The following TRABD2B variants were observed in gnomAD, a reference collection of about 807,000 sequenced individuals.
TRABD2B encodes the protein TraB domain containing 2B.
In TRABD2B, 14 loss-of-function variants were observed where a neutral mutation model predicts 40.1. The ratio of observed to expected loss-of-function variants is 0.35; its 90% CI spans 0.23 to 0.55. TRABD2B has a LOEUF of 0.55. Ranked by LOEUF, TRABD2B falls within the 20% of genes least tolerant of loss-of-function variation. The pLI is 0.90. For synonymous variants in TRABD2B, 263 were observed against 277.0 expected (o/e 0.95, Z 0.50); for missense variants, 541 against 648.6 (o/e 0.83, Z 1.80).
In TRABD2B at chr1:47,983,370, A is replaced by G. The variant is rs150807233; in HGVS notation, c.666+10664T>C. Among the ~76,000 whole-genome samples the G allele has an allele frequency of 1.9e-3, 291 of 152,258 alleles. 2 individuals carry two copies. The highest frequency in any genetic ancestry group is 6.2e-3 in the African/African-American group (258 of 41,548). ...GAGGAAGGAGAGAAGCAGAAAAGCT[A>G]ACTACTGGGTACCGGGCTTAATACC... On this transcript the variant is annotated intron_variant, in intron 2 of 6. Coordinates refer to ENST00000606738, the MANE Select transcript of TRABD2B (RefSeq NM_001194986.2).
At chr1:47,888,751 C>T (rs911568783) in intron 2 of TRABD2B, among the ~76,000 whole-genome samples, 2 of 152,152 alleles carry the variant, frequency 1.3e-5, no homozygotes, top group Admixed American at 6.5e-5. Flanking sequence ...CAGGCTTGGC[C>T]CCTGAGACCC....
In TRABD2B at chr1:47,852,262, T is replaced by A. The variant is rs368186591; in HGVS notation, c.667-50643A>T. Among the ~76,000 whole-genome samples the A allele has an allele frequency of 3.9e-3, 598 of 152,220 alleles. 7 individuals are homozygous for A. The highest frequency in any genetic ancestry group is 6.6e-3 in the Admixed American group (101 of 15,284). On this transcript the variant is annotated intron_variant, in intron 2 of 6. Coordinates refer to ENST00000606738, the MANE Select transcript of TRABD2B (RefSeq NM_001194986.2). ...GGAGGTTTGGGGCAGAGTCCCTTGG[T>A]AAGGCGTGCGGAGCTCCTGGCCCCA...
At chr1:47,990,320 A>AG (rs2148458237) in intron 2 of TRABD2B, among the ~76,000 whole-genome samples, 1 of 152,228 alleles carries the variant, frequency 6.6e-6, no homozygotes, top group Non-Finnish European at 1.5e-5. Context: ...GGTCCCCTAG[A>AG]GGGAGAAGTA....
intron 2 of TRABD2B, among the ~76,000 whole-genome samples, chr1:47,837,821 T>C (rs1645340302): frequency 6.6e-6 from 1 of 152,210 alleles, no homozygotes; most frequent in South Asian, 2.1e-4. Context: ...GCCCCTTCCA[T>C]GGGTTTCCTC....
At chr1:47,985,569 C>A (rs1174002412) in intron 2 of TRABD2B, among the ~76,000 whole-genome samples, 4 of 152,250 alleles carry the variant, frequency 2.6e-5, no homozygotes, top group East Asian at 1.9e-4. Flanking sequence ...TCTCTTAAGG[C>A]CCTAGGTTGT....
intron 2 of TRABD2B, among the ~76,000 whole-genome samples, chr1:47,828,586 C>T (rs1645208343): frequency 6.6e-6 from 1 of 152,194 alleles, no homozygotes; most frequent in Admixed American, 6.5e-5. Flanking sequence ...GTGGCCAGAG[C>T]ATGCCGAGGC....
intron 2 of TRABD2B, among the ~76,000 whole-genome samples, chr1:47,890,551 C>G (rs189683063): frequency 6.6e-6 from 1 of 152,154 alleles, no homozygotes; most frequent in South Asian, 2.1e-4. Flanking sequence ...AAGAGCATTT[C>G]TTCAGCTTCC....
chr1:47,997,028 A>C lies in TRABD2B; in HGVS notation c.-239T>G. On this transcript the variant is annotated 5_prime_UTR_variant, in exon 1 of 7. Coordinates refer to ENST00000606738, the MANE Select transcript of TRABD2B (RefSeq NM_001194986.2). ...GCTGGGCCCCTCCCCCGGGCGCTCA[A>C]CCTCGCTGGCCGAGCCCCCGGGTGC... The C allele has an allele frequency of 1.9e-6, 2 of 1,058,100 alleles. No homozygotes were observed. Among genetic ancestry groups the C allele is most frequent in the Non-Finnish European group, 2.3e-6 (2 of 878,864 alleles). The allele number at this position is 1,058,100 out of a possible 1,614,324, so 65.5% of individuals were successfully genotyped here.
intron 2 of TRABD2B, among the ~76,000 whole-genome samples, chr1:47,929,619 A>G (rs1413063200): frequency 6.6e-6 from 1 of 152,194 alleles, no homozygotes; most frequent in Non-Finnish European, 1.5e-5. Flanking sequence ...CTTCTGATCC[A>G]CAAAACTGCC....
chr1:47,862,310 G>C (rs1643985508), intron 2 of TRABD2B, among the ~76,000 whole-genome samples: 1 of 152,004 alleles, frequency 6.6e-6, no homozygotes. Context: ...TTTTTTCACA[G>C]ATGACATGAT....
At position 47,890,427 on chromosome 1, in the gene TRABD2B, T is replaced by C. The variant is rs530227920; in HGVS notation, c.667-88808A>G. Among the ~76,000 whole-genome samples, 164 of 152,276 alleles carry C rather than the reference T, an allele frequency of 1.1e-3. 2 individuals are homozygous for C. The highest frequency in any genetic ancestry group is 3.8e-3 in the African/African-American group (159 of 41,560). On this transcript the variant is annotated intron_variant, in intron 2 of 6. Transcript: ENST00000606738. ...GCAGAAGAGGTGACAGAGGTAGTCA[T>C]TGTGCTCAAGCCTTGCTGGCCTCCT...
At chr1:47,838,344 T>C (rs924243446) in intron 2 of TRABD2B, among the ~76,000 whole-genome samples, 3 of 152,188 alleles carry the variant, frequency 2.0e-5, no homozygotes, top group African/African-American at 7.2e-5. Flanking sequence ...AGATTATCAA[T>C]GCCCATAGCA....
intron 4 of TRABD2B, among the ~76,000 whole-genome samples, chr1:47,786,648 T>A (rs934391134): frequency 6.6e-6 from 1 of 152,132 alleles, no homozygotes; most frequent in African/African-American, 2.4e-5. Context: ...TTGGGGAGGG[T>A]GGCAGACCAG....
At chr1:47,768,905 A>T (rs12035815) in intron 6 of TRABD2B, among the ~76,000 whole-genome samples, 3 of 152,224 alleles carry the variant, frequency 2.0e-5, no homozygotes, top group Admixed American at 6.5e-5. Flanking sequence ...GAAGGACTTC[A>T]GATTTCTTGC....
chr1:47,813,281 G>A lies in TRABD2B; in HGVS notation c.667-11662C>T, dbSNP rs1271073099. 6.6e-6 allele frequency among the ~76,000 whole-genome samples: 1 copy of A among 152,142 alleles called. No homozygotes were observed. Among genetic ancestry groups the A allele is most frequent in the African/African-American group, 2.4e-5 (1 of 41,418 alleles). On this transcript the variant is annotated intron_variant, in intron 2 of 6. Transcript: ENST00000606738. This position sits in a 1 kb window ranked among gnomAD's most constrained non-coding sequence, Gnocchi z 4.3. ...GTCTCACAGGCCCTCCAGCAGTATG[G>A]GGACCTCTGCTCTTCCTTAGTCCTG...
intron 2 of TRABD2B, among the ~76,000 whole-genome samples, chr1:47,946,767 G>A (rs1645265148): frequency 6.6e-6 from 1 of 152,114 alleles, no homozygotes; most frequent in Non-Finnish European, 1.5e-5. Flanking sequence ...AAGTGAGTTA[G>A]GAAGTGTTCC....
intron 2 of TRABD2B, among the ~76,000 whole-genome samples, chr1:47,969,426 G>C (rs1317483758): frequency 1.3e-5 from 2 of 152,252 alleles, no homozygotes; most frequent in Non-Finnish European, 2.9e-5. Flanking sequence ...CACTCACAAG[G>C]GCTCAGTTAA....
rs541124502 is a variant in TRABD2B, at chr1:47,820,541, G to A, written c.667-18922C>T. ...ATGCGCCTAAAAGGAAGAAGTGGAA[G>A]CTCTCAGTGAGGTCAGCAGCGGTGG... is the stretch of plus-strand genomic sequence containing the variant. On this transcript the variant is annotated intron_variant, in intron 2 of 6. Coordinates refer to ENST00000606738, the MANE Select transcript of TRABD2B (RefSeq NM_001194986.2). Among the ~76,000 whole-genome samples the A allele has an allele frequency of 4.6e-5, 7 of 152,290 alleles. No individual in the cohort carries two copies. The South Asian group carries it at 1.4e-3, about 32-fold the overall frequency.
intron 5 of TRABD2B, among the ~76,000 whole-genome samples, chr1:47,775,649 A>G (rs912292023): frequency 3.3e-5 from 5 of 152,230 alleles, no homozygotes; most frequent in Non-Finnish European, 5.9e-5. Context: ...TAGTCGACGG[A>G]TATTTACTGA....
Sources: allele counts gnomAD v4.1 joint callset (sites outside exome capture counted in the v4.1 genomes callset), GRCh38; gene constraint gnomAD v4.1.1; non-coding constraint Gnocchi (gnomAD v3.1); transcripts MANE v1.5; gene names NCBI Gene and HGNC (gene_info 2026-07-23, HGNC 2026-07-21).